The following BRINP3 variants were observed in gnomAD, a reference collection of about 807,000 sequenced individuals.
BRINP3 encodes BMP/retinoic acid-inducible neural-specific protein 3.
A neutral mutation model predicts 71.0 loss-of-function variants in BRINP3; 19 were observed. That is an observed-to-expected ratio of 0.27 (90% confidence interval 0.19 to 0.39). The LOEUF (loss-of-function observed/expected upper bound fraction) is 0.39, where lower values mean the gene tolerates loss of function less well. BRINP3 is among the 10% of genes least tolerant of loss of function. The probability of loss-of-function intolerance (pLI) is 1.00; values close to 1 mark genes in which losing one functional copy is unlikely to be tolerated. For synonymous variants in BRINP3, 380 were observed against 337.7 expected (o/e 1.13, Z -1.37); for missense variants, 959 against 940.8 (o/e 1.02, Z -0.25).
chr1:190,337,261 G>T (rs1667352600), intron 2 of BRINP3, among the ~76,000 whole-genome samples: 1 of 152,120 alleles, frequency 6.6e-6, no homozygotes, highest in African/African-American at 2.4e-5. Context: ...TGCTTTGTTA[G>T]CTTTTGTTGC....
chr1:190,237,973 C>G (rs527602887), intron 4 of BRINP3, among the ~76,000 whole-genome samples: 1 of 152,018 alleles, frequency 6.6e-6, no homozygotes, highest in South Asian at 2.1e-4. Context: ...GGGGATTTTG[C>G]CCATCCTATA....
intron 5 of BRINP3, among the ~76,000 whole-genome samples, chr1:190,226,963 A>G (rs921691872): frequency 6.6e-6 from 1 of 151,922 alleles, no homozygotes; most frequent in Non-Finnish European, 1.5e-5. Context: ...GTTTTCTAGA[A>G]ACATGTTTAG....
chr1:190,343,812 G>A (rs1667827822), intron 2 of BRINP3, among the ~76,000 whole-genome samples: 1 of 151,554 alleles, frequency 6.6e-6, no homozygotes, highest in African/African-American at 2.4e-5. Context: ...GAAATGGGCT[G>A]TATCATACTC....
chr1:190,239,928 AAT>A (rs1323749898), intron 4 of BRINP3, among the ~76,000 whole-genome samples: 5 of 151,856 alleles, frequency 3.3e-5, no homozygotes, highest in Non-Finnish European at 7.4e-5. Flanking sequence ...TTCAATTACT[AAT>A]ATGAGTTTAT....
chr1:190,469,912 A>C (rs1433205473), intron 1 of BRINP3, among the ~76,000 whole-genome samples: 2 of 151,108 alleles, frequency 1.3e-5, no homozygotes, highest in South Asian at 4.1e-4. Flanking sequence ...GGCTAAATTT[A>C]GTTTTTGATT....
chr1:190,116,865 C>A (rs898794752), intron 7 of BRINP3, among the ~76,000 whole-genome samples: 1 of 151,922 alleles, frequency 6.6e-6, no homozygotes, highest in Non-Finnish European at 1.5e-5. Flanking sequence ...TTTCTGTATA[C>A]AAAACAAATT....
intron 2 of BRINP3, among the ~76,000 whole-genome samples, chr1:190,375,100 AATTTTAAATAAAAGGT>A (rs1670101557): frequency 6.6e-6 from 1 of 152,040 alleles, no homozygotes; most frequent in Non-Finnish European, 1.5e-5. Flanking sequence ...GGTATAATGG[AATTTTAAATAAAAGGT>A]ATTTTTTGTA....
intron 6 of BRINP3, among the ~76,000 whole-genome samples, chr1:190,167,192 T>C (rs989894459): frequency 6.6e-6 from 1 of 152,166 alleles, no homozygotes; most frequent in African/African-American, 2.4e-5. Flanking sequence ...CCTGTTTGTC[T>C]TATTTACATC....
At chr1:190,376,594 T>G (rs187174846) in intron 2 of BRINP3, among the ~76,000 whole-genome samples, 43 of 152,174 alleles carry the variant, frequency 2.8e-4, no homozygotes, top group Middle Eastern at 6.8e-3. Flanking sequence ...AAACAGAGAA[T>G]TACAAGTAAT....
intron 6 of BRINP3, among the ~76,000 whole-genome samples, chr1:190,165,443 G>GTTTTTTTTTTTTT (rs1222291505): frequency 6.4e-5 from 3 of 46,606 alleles, no homozygotes; most frequent in Admixed American, 2.4e-4. Context: ...TTCATTGGCT[G>GTTTTTTTTTTTTT]TTTTTTTTTT....
chr1:190,231,784 T>C (rs945706867), intron 5 of BRINP3, among the ~76,000 whole-genome samples: 5 of 151,854 alleles, frequency 3.3e-5, no homozygotes, highest in Non-Finnish European at 7.4e-5. Context: ...AGTCCATCTT[T>C]TATATATCTT....
chr1:190,267,075 A>C (rs534388599), intron 3 of BRINP3, among the ~76,000 whole-genome samples: 1 of 152,282 alleles, frequency 6.6e-6, no homozygotes, highest in Admixed American at 6.5e-5. Flanking sequence ...ATGAGACTTC[A>C]ACACATATTT....
rs533694485 is a variant in BRINP3 at position 190,369,429 on chromosome 1, A to T, written c.236+85226T>A. On this transcript the variant is annotated intron_variant, in intron 2 of 7. Transcript: ENST00000367462. ...AAGCTTTAAATTAAAGGAGGTAATCAGGTTGTACAATTCAAATAATTATTT... is the reference window on the plus strand; with the variant it reads ...AAGCTTTAAATTAAAGGAGGTAATCTGGTTGTACAATTCAAATAATTATTT... 2.0e-5 allele frequency among the ~76,000 whole-genome samples: 3 copies of T among 152,234 alleles called. No homozygotes were observed. In the South Asian group the frequency reaches 6.2e-4, roughly 32 times the overall value.
chr1:190,190,190 G>T (rs1571314644), intron 6 of BRINP3, among the ~76,000 whole-genome samples: 1 of 152,108 alleles, frequency 6.6e-6, no homozygotes, highest in Admixed American at 6.6e-5. Flanking sequence ...ACAGTTACTG[G>T]CTTGGAATAG....
At chr1:190,124,361 C>A (rs1020609060) in intron 7 of BRINP3, among the ~76,000 whole-genome samples, 4 of 152,204 alleles carry the variant, frequency 2.6e-5, no homozygotes, top group African/African-American at 9.6e-5. Flanking sequence ...AAATAAATTT[C>A]TCTCATTTAT....
intron 1 of BRINP3, among the ~76,000 whole-genome samples, chr1:190,457,043 C>T (rs998857353): frequency 1.3e-5 from 2 of 152,130 alleles, no homozygotes; most frequent in African/African-American, 2.4e-5. Flanking sequence ...ATCAGATTTT[C>T]TCCAAACCCA....
intron 2 of BRINP3, among the ~76,000 whole-genome samples, chr1:190,285,997 G>A (rs749210193): frequency 3.9e-5 from 6 of 152,008 alleles, no homozygotes; most frequent in Non-Finnish European, 7.4e-5. Context: ...CCATCATAAC[G>A]TTTGCAAGTC....
At chr1:190,325,700 G>A (rs1666536560) in intron 2 of BRINP3, among the ~76,000 whole-genome samples, 1 of 152,082 alleles carries the variant, frequency 6.6e-6, no homozygotes, top group East Asian at 1.9e-4. Context: ...TAATATGTCT[G>A]TATAACTGGC....
At chr1:190,123,268 T>C (rs1310517829) in intron 7 of BRINP3, among the ~76,000 whole-genome samples, 2 of 152,160 alleles carry the variant, frequency 1.3e-5, no homozygotes, top group Non-Finnish European at 1.5e-5. Flanking sequence ...CTGGACCACT[T>C]ACATAACCCT....
Sources: allele counts gnomAD v4.1 joint callset (sites outside exome capture counted in the v4.1 genomes callset), GRCh38; gene constraint gnomAD v4.1.1; transcripts MANE v1.5; gene names NCBI Gene and HGNC (gene_info 2026-07-23, HGNC 2026-07-21).